Variants in ABTB3 observed in about 807,000 individuals in gnomAD.
The protein encoded by ABTB3 is ankyrin repeat and BTB domain containing 3.
At chr12:107,568,397 G>A in the ABTB3 span, among the ~76,000 whole-genome samples, 36 of 152,246 alleles carry the variant, frequency 2.4e-4, no homozygotes, top group African/African-American at 7.9e-4. Context: ...TCCAGGTTGC[G>A]TAATATCTAC....
chr12:107,426,546 C>T, the ABTB3 span, among the ~76,000 whole-genome samples: 1 of 152,194 alleles, frequency 6.6e-6, no homozygotes, highest in African/African-American at 2.4e-5. Context: ...ACCCCAGCAA[C>T]ATCCAGATGT....
the ABTB3 span, among the ~76,000 whole-genome samples, chr12:107,399,655 G>A: frequency 6.6e-6 from 1 of 152,142 alleles, no homozygotes; most frequent in Admixed American, 6.5e-5. Flanking sequence ...TGGCCCACAT[G>A]CTTTACATAT....
chr12:107,432,100 A>G, the ABTB3 span, among the ~76,000 whole-genome samples: 3 of 152,352 alleles, frequency 2.0e-5, no homozygotes, highest in East Asian at 1.9e-4. Context: ...CCACAGGGCC[A>G]TTTCTGTGTA....
At chr12:107,488,660 AT>A in the ABTB3 span, among the ~76,000 whole-genome samples, 1 of 148,746 alleles carries the variant, frequency 6.7e-6, no homozygotes, top group Non-Finnish European at 1.5e-5. Context: ...TTGCAATTAT[AT>A]GTATATATAT....
the ABTB3 span, among the ~76,000 whole-genome samples, chr12:107,412,904 A>G: frequency 6.6e-6 from 1 of 152,056 alleles, no homozygotes; most frequent in African/African-American, 2.4e-5. Context: ...CCAGGCCACA[A>G]CCCTGGAGCT....
chr12:107,376,598 C>T, the ABTB3 span, among the ~76,000 whole-genome samples: 3 of 152,108 alleles, frequency 2.0e-5, no homozygotes, highest in Non-Finnish European at 4.4e-5. Context: ...TGGCATTGCG[C>T]GATGCTGTGA....
At chr12:107,355,807 C>A in the ABTB3 span, among the ~76,000 whole-genome samples, 1 of 152,138 alleles carries the variant, frequency 6.6e-6, no homozygotes, top group Non-Finnish European at 1.5e-5. Flanking sequence ...ATCAGCAGTG[C>A]AACTTTAAAC....
chr12:107,471,112 C>T, the ABTB3 span, among the ~76,000 whole-genome samples: 8 of 152,186 alleles, frequency 5.3e-5, no homozygotes, highest in African/African-American at 1.2e-4. Flanking sequence ...CAGCGTTTTC[C>T]GCATACACTT....
the ABTB3 span, among the ~76,000 whole-genome samples, chr12:107,489,197 A>G: frequency 8.0e-4 from 122 of 152,294 alleles, 1 homozygote; most frequent in African/African-American, 2.8e-3. Flanking sequence ...TAGAAAACGA[A>G]TATAGCAATA....
chr12:107,371,591 C>T, the ABTB3 span, among the ~76,000 whole-genome samples: 1 of 152,158 alleles, frequency 6.6e-6, no homozygotes, highest in African/African-American at 2.4e-5. Context: ...TTCTTAAATA[C>T]TCCTGGAGTT....
chr12:107,448,634 TTTCTTTCTTTC>T, the ABTB3 span, among the ~76,000 whole-genome samples: 3 of 148,592 alleles, frequency 2.0e-5, no homozygotes, highest in African/African-American at 7.8e-5. Flanking sequence ...TCTTTCTTTC[TTTCTTTCTTTC>T]TTTTTTTTTT....
At chr12:107,437,815 C>T in the ABTB3 span, among the ~76,000 whole-genome samples, 80 of 152,248 alleles carry the variant, frequency 5.3e-4, no homozygotes, top group African/African-American at 1.7e-3. Context: ...CACAAAGACC[C>T]TCTCCCAGAA....
chr12:107,522,029 G>A, the ABTB3 span, among the ~76,000 whole-genome samples: 1 of 151,930 alleles, frequency 6.6e-6, no homozygotes. Flanking sequence ...GATCAAGGTG[G>A]CAGACAATTC....
chr12:107,401,342 G>A, the ABTB3 span, among the ~76,000 whole-genome samples: 1 of 152,164 alleles, frequency 6.6e-6, no homozygotes, highest in Non-Finnish European at 1.5e-5. Flanking sequence ...CTTTTCGGAT[G>A]TCAGACTCCA....
At chr12:107,358,492 G>A in the ABTB3 span, among the ~76,000 whole-genome samples, 1 of 152,200 alleles carries the variant, frequency 6.6e-6, no homozygotes, top group Non-Finnish European at 1.5e-5. Context: ...AGGTAATGGG[G>A]TGGAGTTTAA....
At chr12:107,435,514 C>G in the ABTB3 span, among the ~76,000 whole-genome samples, 21 of 152,206 alleles carry the variant, frequency 1.4e-4, no homozygotes, top group Admixed American at 2.6e-4. Context: ...ACTGTAAGGA[C>G]AGAGGACTTC....
chr12:107,589,676 G>GAC, the ABTB3 span, among the ~76,000 whole-genome samples: 1 of 152,246 alleles, frequency 6.6e-6, no homozygotes, highest in Non-Finnish European at 1.5e-5. Flanking sequence ...GGCTAGGAGA[G>GAC]ACACAAGGGG....
At chr12:107,413,812 A>G in the ABTB3 span, among the ~76,000 whole-genome samples, 3 of 152,346 alleles carry the variant, frequency 2.0e-5, no homozygotes, top group South Asian at 2.1e-4. Context: ...GGAATAAATC[A>G]TTTGTAAAAC....
the ABTB3 span, among the ~76,000 whole-genome samples, chr12:107,369,392 G>GTTTTTTTT: frequency 9.6e-5 from 13 of 134,904 alleles, no homozygotes; most frequent in African/African-American, 2.0e-4. Flanking sequence ...TCAAACAAGG[G>GTTTTTTTT]TTTTTTTTTT....
Sources: gnomAD v4.1 joint callset for allele counts (sites outside exome capture counted in the v4.1 genomes callset) on GRCh38, gnomAD v4.1.1 for gene constraint, MANE v1.5 for transcripts, NCBI Gene and HGNC (gene_info 2026-07-23, HGNC 2026-07-21) for gene names.